RETREG1: variants seen among roughly 807,000 people sequenced by gnomAD.
RETREG1 encodes the protein reticulophagy regulator 1, also known as family with sequence similarity 134 member B.
In RETREG1, 44 loss-of-function variants were observed where a neutral mutation model predicts 54.8. The ratio of observed to expected loss-of-function variants is 0.80; its 90% CI spans 0.63 to 1.03. The LOEUF is 1.03. Among genes scored for constraint, RETREG1 ranks in the 50% least tolerant of loss-of-function variants. The pLI is 0.00. For missense variants in RETREG1, 554 were observed against 605.1 expected (o/e 0.92, Z 0.89); for synonymous variants, 217 against 238.5 (o/e 0.91, Z 0.83).
rs991823767 is a variant in RETREG1, at chr5:16,594,145, C to T, written c.321-22043G>A. 2.0e-5 allele frequency among the ~76,000 whole-genome samples: 3 copies of T among 152,216 alleles called. No homozygotes were observed. Among genetic ancestry groups the T allele is most frequent in the South Asian group, 2.1e-4 (1 of 4,836 alleles). On this transcript the variant is annotated intron_variant, in intron 1 of 8. Transcript: ENST00000306320. This position sits in a 1 kb window ranked among gnomAD's most constrained non-coding sequence, Gnocchi z 4.4. ...ACAGCAGAGATTTGATGGGCACCAT[C>T]GGAAACAAAAGCTGGCATGTACACA...
At position 16,474,758 on chromosome 5, in the gene RETREG1, G is replaced by A. The variant is rs759739482; in HGVS notation, c.1477C>T (p.Leu493=). The A allele has an allele frequency of 9.4e-5, 152 of 1,611,224 alleles. No individual in the cohort carries two copies. Among genetic ancestry groups the A allele is most frequent in the Middle Eastern group, 1.6e-4 (1 of 6,080 alleles). Residue 493 remains leucine, a synonymous_variant, in exon 9 of 9, where the codon CTG becomes TTG. Transcript: ENST00000306320. ...TTCCTAGATTAATGGCCTCCCAGCA[G>A]ATTTGAAAGGAAACCTGAAGACTTC... The part of the protein sequence containing the change: ...NKKSSGFLSN[L]LGGH
intron 3 of RETREG1, among the ~76,000 whole-genome samples, chr5:16,563,456 C>T (rs1353791135): frequency 6.6e-6 from 1 of 151,982 alleles, no homozygotes; most frequent in Non-Finnish European, 1.5e-5. Context: ...TTAGGGTCTC[C>T]CTACCATTGC....
chr5:16,553,252 A>G (rs1274802173), intron 3 of RETREG1, among the ~76,000 whole-genome samples: 1 of 152,222 alleles, frequency 6.6e-6, no homozygotes, highest in Non-Finnish European at 1.5e-5. Context: ...ACATGATGGA[A>G]TATCGTACAG....
intron 3 of RETREG1, among the ~76,000 whole-genome samples, chr5:16,489,595 A>G (rs193078822): frequency 1.3e-5 from 2 of 152,370 alleles, no homozygotes; most frequent in Admixed American, 6.5e-5. Flanking sequence ...AAGAAATACT[A>G]TCTCATTATC....
At chr5:16,611,533 G>A (rs1282512411) in intron 1 of RETREG1, among the ~76,000 whole-genome samples, 1 of 152,184 alleles carries the variant, frequency 6.6e-6, no homozygotes, top group Non-Finnish European at 1.5e-5. Flanking sequence ...ACTCCATTCT[G>A]TGCCTATCCA....
rs1163345618 is a variant in RETREG1 at position 16,558,416 on chromosome 5, T to G, written c.458+7347A>C. ...TTGGACTTCTCAGCCTTCAGAACTA[T>G]AAGCAATGAATTTCTTTCCTTTATA... On this transcript the variant is annotated intron_variant, in intron 3 of 8. Coordinates refer to ENST00000306320, the MANE Select transcript of RETREG1 (RefSeq NM_001034850.3). Among the ~76,000 whole-genome samples, 10 of 152,300 alleles carry G rather than the reference T, an allele frequency of 6.6e-5. No individual in the cohort carries two copies. In the East Asian group the frequency reaches 1.7e-3, roughly 26 times the overall value.
rs566431201 is a variant in RETREG1, at chr5:16,604,277, C to T, written c.320+12375G>A. On this transcript the variant is annotated intron_variant, in intron 1 of 8. Coordinates refer to ENST00000306320, the MANE Select transcript of RETREG1 (RefSeq NM_001034850.3). ...CGGAATCCCCATTCTGCCAAATACC[C>T]TTACCTTGGGAGAAGTGACTTAAAT... Among the ~76,000 whole-genome samples the T allele has an allele frequency of 7.9e-5, 12 of 152,256 alleles. 1 individual carries two copies. The South Asian group carries it at 2.3e-3, about 29-fold the overall frequency.
intron 3 of RETREG1, among the ~76,000 whole-genome samples, chr5:16,529,602 C>A (rs1197114560): frequency 6.6e-6 from 1 of 152,140 alleles, no homozygotes; most frequent in East Asian, 1.9e-4. Flanking sequence ...CATATGTCAA[C>A]ATCTGATTTT....
At chr5:16,541,779 AG>A (rs1741258813) in intron 3 of RETREG1, among the ~76,000 whole-genome samples, 1 of 150,462 alleles carries the variant, frequency 6.6e-6, no homozygotes, top group African/African-American at 2.4e-5. Flanking sequence ...GAAGGAAGGA[AG>A]GAAGGAAGGA....
chr5:16,544,670 A>G (rs1214144364), intron 3 of RETREG1, among the ~76,000 whole-genome samples: 1 of 152,230 alleles, frequency 6.6e-6, no homozygotes, highest in Non-Finnish European at 1.5e-5. Flanking sequence ...TTAGTTGGAA[A>G]GGTGATCCAT....
chr5:16,582,693 G>A (rs1279493828), intron 1 of RETREG1, among the ~76,000 whole-genome samples: 6 of 151,320 alleles, frequency 4.0e-5, no homozygotes, highest in Admixed American at 6.6e-5. Flanking sequence ...GGTAATCCCC[G>A]GCTTATTTCC....
intron 3 of RETREG1, among the ~76,000 whole-genome samples, chr5:16,502,914 G>A (rs1181143021): frequency 6.6e-6 from 1 of 152,348 alleles, no homozygotes; most frequent in South Asian, 2.1e-4. Flanking sequence ...CATAAAGAGA[G>A]AAGAGGCTGG....
intron 3 of RETREG1, among the ~76,000 whole-genome samples, chr5:16,536,525 C>T (rs113504003): frequency 2.0e-5 from 3 of 151,994 alleles, no homozygotes; most frequent in Admixed American, 6.6e-5. Context: ...CATGCCAACA[C>T]GTCAACACAC....
chr5:16,568,964 C>G (rs1352873613), intron 2 of RETREG1, among the ~76,000 whole-genome samples: 1 of 152,182 alleles, frequency 6.6e-6, no homozygotes. Context: ...ACTTGGTCGT[C>G]CTTTCATTGT....
chr5:16,599,174 T>C (rs564119161), intron 1 of RETREG1, among the ~76,000 whole-genome samples: 1 of 152,212 alleles, frequency 6.6e-6, no homozygotes, highest in South Asian at 2.1e-4. Context: ...ACCACTGCAC[T>C]CCGGCCTGGG....
intron 3 of RETREG1, among the ~76,000 whole-genome samples, chr5:16,537,687 A>C (rs1041439712): frequency 6.6e-6 from 1 of 151,940 alleles, no homozygotes; most frequent in African/African-American, 2.4e-5. Flanking sequence ...ACAGAGCAAG[A>C]CTCTGTCCCC....
chr5:16,510,854 C>A (rs919552982), intron 3 of RETREG1, among the ~76,000 whole-genome samples: 19 of 139,128 alleles, frequency 1.4e-4, no homozygotes, highest in Non-Finnish European at 1.6e-5. Context: ...CTAATCAACA[C>A]AAAAGGCTAA....
Position 16,478,901 on chromosome 5 carries a change from G to C in RETREG1, c.757C>G (p.Leu253Val), listed in dbSNP as rs1250739128. The change falls in exon 6 of 9, where the codon CTG (leucine) becomes GTG (valine). Residue 253 changes from leucine to valine, a missense_variant. Transcript: ENST00000306320. ...YSKIKSVLLK[L>V]DFGIGEYINQ... is the part of the protein sequence containing the mutation. The stretch of plus-strand genomic sequence containing the variant: ...ATATATTCTCCAATTCCAAAATCCA[G>C]TTTCAGCAGAACTGACTTAATTTTG... 1 of 1,612,218 alleles carries C rather than the reference G, an allele frequency of 6.2e-7. No individual in the cohort carries two copies. The highest frequency in any genetic ancestry group is 1.3e-5 in the African/African-American group (1 of 74,800).
chr5:16,504,876 C>T (rs903470233), intron 3 of RETREG1, among the ~76,000 whole-genome samples: 3 of 152,182 alleles, frequency 2.0e-5, no homozygotes, highest in Non-Finnish European at 4.4e-5. Context: ...AGGCTTTTCT[C>T]CTCCTCACCC....
Sources: allele counts gnomAD v4.1 joint callset (sites outside exome capture counted in the v4.1 genomes callset), GRCh38; gene constraint gnomAD v4.1.1; non-coding constraint Gnocchi (gnomAD v3.1); transcripts MANE v1.5; gene names NCBI Gene and HGNC (gene_info 2026-07-23, HGNC 2026-07-21).